Variants in PAPSS1 observed in about 807,000 individuals in gnomAD.
The protein encoded by PAPSS1 is bifunctional 3'-phosphoadenosine 5'-phosphosulfate synthase 1.
In PAPSS1, 50 loss-of-function variants were observed where a neutral mutation model predicts 72.0. The observed-to-expected ratio is 0.69, with a 90% CI of 0.55 to 0.88. PAPSS1 has a LOEUF of 0.88. Among genes scored for constraint, PAPSS1 ranks in the 40% least tolerant of loss-of-function variants. The pLI, the probability that PAPSS1 is intolerant of heterozygous loss-of-function variation, is 0.00. For missense variants in PAPSS1, 657 were observed against 782.2 expected (o/e 0.84, Z 1.91); for synonymous variants, 261 against 263.6 (o/e 0.99, Z 0.09).
At chr4:107,645,966 C>CTTAACTGGGATTTTTTGTTT (rs1195084657) in intron 9 of PAPSS1, among the ~76,000 whole-genome samples, 3 of 152,160 alleles carry the variant, frequency 2.0e-5, no homozygotes, top group Non-Finnish European at 2.9e-5. Flanking sequence ...TGGCATCCTA[C>CTTAACTGGGATTTTTTGTTT]TTAACTGGGA....
chr4:107,675,362 G>A (rs542758532), intron 5 of PAPSS1, among the ~76,000 whole-genome samples: 13 of 152,188 alleles, frequency 8.5e-5, no homozygotes, highest in African/African-American at 1.2e-4. Context: ...TATCACCCCC[G>A]ATCCCACAGA....
At chr4:107,696,572 G>A (rs1191482296) in intron 2 of PAPSS1, among the ~76,000 whole-genome samples, 2 of 152,012 alleles carry the variant, frequency 1.3e-5, no homozygotes, top group Admixed American at 1.3e-4. Context: ...GTGGGGAGGT[G>A]GAGGCCTCCC....
At chr4:107,639,044 T>C (rs777985559) in intron 10 of PAPSS1, among the ~76,000 whole-genome samples, 13 of 152,172 alleles carry the variant, frequency 8.5e-5, no homozygotes, top group Non-Finnish European at 1.8e-4. Context: ...GGAAACTGTA[T>C]AGATTACCTA....
chr4:107,636,180 A>C lies in PAPSS1; in HGVS notation c.1507-4320T>G, dbSNP rs190368630. 5.9e-3 allele frequency among the ~76,000 whole-genome samples: 892 copies of C among 152,356 alleles called. 4 individuals carry two copies. Among genetic ancestry groups the C allele is most frequent in the Non-Finnish European group, 1.0e-2 (678 of 68,032 alleles). ...CAAATATGCAAAAAAGGTTCATTTC[A>C]GGATTCATTACGGGTTGTCAAAAGA... On this transcript the variant is annotated intron_variant, in intron 10 of 11. Coordinates refer to ENST00000265174, the MANE Select transcript of PAPSS1 (RefSeq NM_005443.5).
At chr4:107,654,059 A>C (rs1419657255) in intron 8 of PAPSS1, among the ~76,000 whole-genome samples, 3 of 152,134 alleles carry the variant, frequency 2.0e-5, no homozygotes, top group Non-Finnish European at 4.4e-5. Flanking sequence ...TTACAATTTT[A>C]CTACTTCCTT....
intron 5 of PAPSS1, among the ~76,000 whole-genome samples, chr4:107,672,152 C>T (rs536206742): frequency 6.6e-6 from 1 of 152,254 alleles, no homozygotes; most frequent in East Asian, 1.9e-4. Flanking sequence ...ACGCAGAAGA[C>T]GGGTGATTTC....
intron 9 of PAPSS1, among the ~76,000 whole-genome samples, chr4:107,648,204 G>A (rs1265440867): frequency 6.6e-6 from 1 of 152,162 alleles, no homozygotes; most frequent in Non-Finnish European, 1.5e-5. Flanking sequence ...GGTAGAAGAG[G>A]AAGAAGAAAG....
At chr4:107,653,649 T>C in intron 8 of PAPSS1, 23 bp from the exon 9 acceptor site, 1 of 1,605,608 alleles carries the variant, frequency 6.2e-7, no homozygotes, top group Non-Finnish European at 8.5e-7. Flanking sequence ...ACAAATTTTT[T>C]TAATGGAAAC....
intron 11 of PAPSS1, among the ~76,000 whole-genome samples, chr4:107,616,738 T>C (rs1319716770): frequency 6.6e-6 from 1 of 152,130 alleles, no homozygotes; most frequent in Admixed American, 6.5e-5. Flanking sequence ...GTCTTAGAAG[T>C]GGGTGGCAGA....
At chr4:107,631,591 G>T in intron 11 of PAPSS1, 40 bp downstream of exon 11, 2 of 1,424,022 alleles carry the variant, frequency 1.4e-6, no homozygotes, top group Non-Finnish European at 2.0e-6. Flanking sequence ...GCTAGACCAC[G>T]AAGTACTTCA....
chr4:107,676,921 A>G (rs1412691722), intron 5 of PAPSS1, among the ~76,000 whole-genome samples: 1 of 152,268 alleles, frequency 6.6e-6, no homozygotes, highest in Non-Finnish European at 1.5e-5. Flanking sequence ...CATGACAAAA[A>G]TAAGAAATGG....
chr4:107,697,982 A>G (rs1163680830), intron 2 of PAPSS1, among the ~76,000 whole-genome samples: 3 of 152,188 alleles, frequency 2.0e-5, no homozygotes, highest in Non-Finnish European at 4.4e-5. Flanking sequence ...GGGAAACAGA[A>G]GAGATTCTCC....
chr4:107,662,811 A>G (rs2110324594), intron 5 of PAPSS1, among the ~76,000 whole-genome samples: 1 of 152,302 alleles, frequency 6.6e-6, no homozygotes, highest in South Asian at 2.1e-4. Context: ...GTCTCCATCC[A>G]TAGGTACATT....
chr4:107,673,207 C>T lies in PAPSS1; in HGVS notation c.669+8808G>A, dbSNP rs576699836. Among the ~76,000 whole-genome samples, 37 of 152,234 alleles carry T rather than the reference C, an allele frequency of 2.4e-4. No individual in the cohort carries two copies. The East Asian group carries it at 4.4e-3, about 18-fold the overall frequency. On this transcript the variant is annotated intron_variant, in intron 5 of 11. Transcript: ENST00000265174. ...TCAACAGCAGTGGAACAAAGCTGGACGGAGAATGACTTTGACGAGTTGAGA... is the reference window on the plus strand; with the variant it reads ...TCAACAGCAGTGGAACAAAGCTGGATGGAGAATGACTTTGACGAGTTGAGA...
intron 11 of PAPSS1, among the ~76,000 whole-genome samples, chr4:107,623,033 A>T (rs1357091246): frequency 6.6e-6 from 1 of 152,224 alleles, no homozygotes; most frequent in Admixed American, 6.5e-5. Flanking sequence ...TTTGAAGTCA[A>T]GCCACTTCCT....
intron 5 of PAPSS1, among the ~76,000 whole-genome samples, chr4:107,677,666 C>T (rs1377050801): frequency 1.3e-5 from 2 of 152,166 alleles, no homozygotes; most frequent in African/African-American, 4.8e-5. Flanking sequence ...TACCATTGGA[C>T]CCAACAATCC....
intron 2 of PAPSS1, among the ~76,000 whole-genome samples, chr4:107,699,551 C>A (rs945081587): frequency 6.6e-6 from 1 of 151,958 alleles, no homozygotes; most frequent in African/African-American, 2.4e-5. Flanking sequence ...TGGAAAAAAA[C>A]GAAAATGGAT....
intron 5 of PAPSS1, among the ~76,000 whole-genome samples, chr4:107,672,440 G>C (rs1158424201): frequency 1.3e-5 from 2 of 152,232 alleles, no homozygotes; most frequent in Admixed American, 1.3e-4. Flanking sequence ...AGGCTCGGAG[G>C]GTCCTATGCC....
At chr4:107,635,446 C>A (rs539677706) in intron 10 of PAPSS1, among the ~76,000 whole-genome samples, 2 of 152,202 alleles carry the variant, frequency 1.3e-5, no homozygotes, top group East Asian at 1.9e-4. Flanking sequence ...AAATATGATT[C>A]TTTTTGTCAT....
Sources: gnomAD v4.1 joint callset for allele counts (sites outside exome capture counted in the v4.1 genomes callset) on GRCh38, gnomAD v4.1.1 for gene constraint, MANE v1.5 for transcripts, NCBI Gene and HGNC (gene_info 2026-07-23, HGNC 2026-07-21) for gene names.